MAML2: variants seen among roughly 807,000 people sequenced by gnomAD.
The protein encoded by MAML2 is mastermind-like protein 2.
MAML2 carries 22 observed loss-of-function variants against 96.1 expected under a neutral mutation model. The observed-to-expected ratio is 0.23, with a 90% CI of 0.16 to 0.33. The LOEUF is 0.33. Ranked by LOEUF, MAML2 falls within the 10% of genes least tolerant of loss-of-function variation. The pLI is 1.00. For missense variants in MAML2, 1,367 were observed against 1,392.4 expected, an observed-to-expected ratio of 0.98 and a Z score of 0.29; for synonymous variants, 561 against 521.3, an observed-to-expected ratio of 1.08 and a Z score of -1.04.
rs151235543 is a variant in MAML2, at chr11:96,223,796, A to G, written c.513+117587T>C. On this transcript the variant is annotated intron_variant, in intron 1 of 4. Transcript: ENST00000524717. ...TGTTCTTCTGAACTACTGCCTTAAG[A>G]TGATTAGTTTAGGTACAACACAATT... 1.9e-3 allele frequency among the ~76,000 whole-genome samples: 289 copies of G among 152,234 alleles called. 1 individual carries two copies. The highest frequency in any genetic ancestry group is 6.7e-3 in the African/African-American group (277 of 41,526).
chr11:96,146,861 G>C (rs1423355158), intron 1 of MAML2, among the ~76,000 whole-genome samples: 1 of 152,192 alleles, frequency 6.6e-6, no homozygotes, highest in Non-Finnish European at 1.5e-5. Context: ...AGTGAAAAGA[G>C]GCAGTTGACA....
At chr11:96,035,768 T>A (rs1394638006) in intron 2 of MAML2, among the ~76,000 whole-genome samples, 1 of 152,214 alleles carries the variant, frequency 6.6e-6, no homozygotes, top group Non-Finnish European at 1.5e-5. Context: ...ACTGAGGAGA[T>A]TTCTGTTCCA....
chr11:96,334,766 G>C (rs972737616), intron 1 of MAML2, among the ~76,000 whole-genome samples: 3 of 152,218 alleles, frequency 2.0e-5, no homozygotes, highest in Non-Finnish European at 4.4e-5. Context: ...CTTGACGTAA[G>C]AGTTTAAAAC....
intron 1 of MAML2, among the ~76,000 whole-genome samples, chr11:96,128,095 A>G (rs1015936031): frequency 2.0e-5 from 3 of 152,110 alleles, no homozygotes; most frequent in African/African-American, 7.2e-5. Context: ...CCCAGGTGCT[A>G]TCAATACTCC....
At chr11:96,254,660 A>G (rs981301113) in intron 1 of MAML2, among the ~76,000 whole-genome samples, 1 of 152,222 alleles carries the variant, frequency 6.6e-6, no homozygotes, top group Admixed American at 6.5e-5. Context: ...ATATGATTCT[A>G]ATTTCACACA....
chr11:96,180,300 C>G (rs1200116510), intron 1 of MAML2, among the ~76,000 whole-genome samples: 1 of 152,152 alleles, frequency 6.6e-6, no homozygotes, highest in Non-Finnish European at 1.5e-5. Flanking sequence ...TCCCTCCTCT[C>G]GAATCAGAGC....
At chr11:96,287,289 A>AT (rs1203346033) in intron 1 of MAML2, among the ~76,000 whole-genome samples, 1 of 152,228 alleles carries the variant, frequency 6.6e-6, no homozygotes, top group Non-Finnish European at 1.5e-5. Flanking sequence ...TCAGAAATAT[A>AT]TATGTCCCAA....
intron 1 of MAML2, among the ~76,000 whole-genome samples, chr11:96,105,885 A>C (rs920056444): frequency 2.0e-5 from 3 of 151,606 alleles, no homozygotes; most frequent in African/African-American, 4.8e-5. Flanking sequence ...AAAAAAAAAA[A>C]CCAAAACCTA....
intron 1 of MAML2, among the ~76,000 whole-genome samples, chr11:96,225,360 AAGC>A (rs1205428242): frequency 3.3e-5 from 5 of 152,182 alleles, no homozygotes; most frequent in African/African-American, 1.2e-4. Context: ...CAGCCTTTGG[AAGC>A]AGATCTTCCA....
chr11:96,206,284 T>C (rs908005638), intron 1 of MAML2, among the ~76,000 whole-genome samples: 5 of 152,200 alleles, frequency 3.3e-5, no homozygotes, highest in African/African-American at 1.2e-4. Flanking sequence ...TGAAAAGTGT[T>C]TATAATTGCA....
At chr11:96,287,092 G>A (rs16923505) in intron 1 of MAML2, among the ~76,000 whole-genome samples, 4,240 of 152,294 alleles carry the variant, frequency 0.028, 95 homozygotes, top group South Asian at 0.13. Context: ...CAGATGGGAA[G>A]TGAAAAGATG....
chr11:96,122,303 A>AT (rs111647397), intron 1 of MAML2, among the ~76,000 whole-genome samples: 2,818 of 145,860 alleles, frequency 0.019, 94 homozygotes, highest in African/African-American at 0.065. Flanking sequence ...AAACCTGCAG[A>AT]TTTTTTTTTT....
chr11:96,092,551 T>A lies in MAML2; in HGVS notation c.1480A>T (p.Ser494Cys), dbSNP rs368842889. The A allele has an allele frequency of 1.1e-5, 18 of 1,603,336 alleles. No individual in the cohort carries two copies. The African/African-American group carries it at 2.0e-4, about 18-fold the overall frequency. Residue 494 changes from serine to cysteine, a missense_variant, in exon 2 of 5, where the codon AGC (serine) becomes TGC (cysteine). Coordinates refer to ENST00000524717, the MANE Select transcript of MAML2 (RefSeq NM_032427.4). The surrounding 1 kb of genome is among the most constrained non-coding windows in gnomAD (Gnocchi z 4.1). ...CCAGCTACCCCAGGCATGGGGGAGC[T>A]CTGTGGGCTGAATGTCTGCTGACCA... The part of the protein sequence containing the change: ...SFGQQTFSPQ[S>C]SPMPGVAGGS...
chr11:96,006,872 TAC>T (rs57492080), intron 2 of MAML2, among the ~76,000 whole-genome samples: 7,592 of 123,854 alleles, frequency 0.061, 242 homozygotes, highest in African/African-American at 0.12. Context: ...GAATATCTTA[TAC>T]ACACACACAC....
chr11:95,988,019 C>CA (rs11378962), intron 3 of MAML2, among the ~76,000 whole-genome samples: 152,246 of 152,246 alleles, frequency 1, 76,123 homozygotes, highest in Non-Finnish European at 1. Flanking sequence ...GATTTTATGC[C>CA]AGCATGGACT....
chr11:96,191,686 G>C (rs1861655658), intron 1 of MAML2, among the ~76,000 whole-genome samples: 1 of 150,142 alleles, frequency 6.7e-6, no homozygotes, highest in Non-Finnish European at 1.5e-5. Context: ...GCAGGAGAAA[G>C]GCGTGATCCC....
intron 1 of MAML2, among the ~76,000 whole-genome samples, chr11:96,121,324 C>T (rs2135845040): frequency 6.6e-6 from 1 of 152,180 alleles, no homozygotes; most frequent in Non-Finnish European, 1.5e-5. Context: ...GAGATATAGA[C>T]GTTCAATATT....
At chr11:95,982,787 T>C (rs139562117) in intron 4 of MAML2, among the ~76,000 whole-genome samples, 116 of 152,310 alleles carry the variant, frequency 7.6e-4, no homozygotes, top group African/African-American at 2.7e-3. Flanking sequence ...ACTGCATGTA[T>C]GACAGTGGTC....
At chr11:96,258,502 G>A (rs144151914) in intron 1 of MAML2, among the ~76,000 whole-genome samples, 1 of 152,296 alleles carries the variant, frequency 6.6e-6, no homozygotes, top group East Asian at 1.9e-4. Flanking sequence ...GGAGGTGAAC[G>A]TCCTCATTAG....
Sources: allele counts gnomAD v4.1 joint callset (sites outside exome capture counted in the v4.1 genomes callset), GRCh38; gene constraint gnomAD v4.1.1; non-coding constraint Gnocchi (gnomAD v3.1); transcripts MANE v1.5; gene names NCBI Gene and HGNC (gene_info 2026-07-23, HGNC 2026-07-21).